The following GUCY1A2 variants were observed in gnomAD, a reference collection of about 807,000 sequenced individuals.
The protein encoded by GUCY1A2 is guanylate cyclase soluble subunit alpha-2.
In GUCY1A2, 27 loss-of-function variants were observed where a neutral mutation model predicts 63.5. The ratio of observed to expected loss-of-function variants is 0.43; its 90% CI spans 0.31 to 0.59. GUCY1A2 has a LOEUF of 0.59. GUCY1A2 is among the 20% of genes least tolerant of loss of function. The pLI is 0.11. For missense variants in GUCY1A2, 768 were observed against 913.3 expected (o/e 0.84, Z 2.05); for synonymous variants, 364 against 343.5 (o/e 1.06, Z -0.66).
chr11:106,913,500 C>G (rs1860324369), intron 4 of GUCY1A2, among the ~76,000 whole-genome samples: 1 of 152,046 alleles, frequency 6.6e-6, no homozygotes, highest in Admixed American at 6.6e-5. Flanking sequence ...AGGAAAGCAC[C>G]AAGCTGGTCA....
At chr11:106,756,707 G>A (rs180992073) in intron 6 of GUCY1A2, among the ~76,000 whole-genome samples, 10 of 152,286 alleles carry the variant, frequency 6.6e-5, no homozygotes, top group Middle Eastern at 3.4e-3. Context: ...GGTTTTTGCC[G>A]AGAGATCTGC....
intron 3 of GUCY1A2, among the ~76,000 whole-genome samples, chr11:106,957,892 G>C (rs12804633): frequency 6.8e-5 from 7 of 103,224 alleles, no homozygotes; most frequent in South Asian, 3.2e-4. Flanking sequence ...TTTTTTTTCA[G>C]AAAAAAAAGG....
At chr11:106,993,456 A>G (rs1298716586) in intron 1 of GUCY1A2, among the ~76,000 whole-genome samples, 1 of 152,192 alleles carries the variant, frequency 6.6e-6, no homozygotes, top group Non-Finnish European at 1.5e-5. Context: ...TGTAGTCATC[A>G]ATCTTGCTAG....
intron 7 of GUCY1A2, among the ~76,000 whole-genome samples, chr11:106,702,256 TA>T (rs1292867629): frequency 6.6e-6 from 1 of 152,240 alleles, no homozygotes; most frequent in African/African-American, 2.4e-5. Context: ...AGAGCTCATC[TA>T]GGACATCAAA....
intron 7 of GUCY1A2, among the ~76,000 whole-genome samples, chr11:106,699,789 CT>C (rs1470583908): frequency 4.1e-5 from 6 of 147,836 alleles, no homozygotes; most frequent in East Asian, 2.0e-4. Context: ...TCTTTTTTTT[CT>C]TTTTTTTTTG....
rs1336729847 is a variant in GUCY1A2, at chr11:106,863,300, C to T, written c.1207-52822G>A. On this transcript the variant is annotated intron_variant, in intron 4 of 7. Coordinates refer to ENST00000526355, the MANE Select transcript of GUCY1A2 (RefSeq NM_000855.3). ...TTAGATTTAAGTCTTTAATCCACCTCGAGTTAATTTTTATATAAGGTGTAA... is the reference window on the plus strand; with the variant it reads ...TTAGATTTAAGTCTTTAATCCACCTTGAGTTAATTTTTATATAAGGTGTAA... Among the ~76,000 whole-genome samples the T allele has an allele frequency of 3.3e-5, 5 of 151,838 alleles. No homozygotes were observed. In the East Asian group the frequency reaches 5.8e-4, roughly 18 times the overall value.
intron 4 of GUCY1A2, among the ~76,000 whole-genome samples, chr11:106,924,346 T>C (rs1860490340): frequency 6.6e-6 from 1 of 152,224 alleles, no homozygotes; most frequent in Non-Finnish European, 1.5e-5. Context: ...TATATTTATA[T>C]CTCATTCCCA....
chr11:106,912,118 C>T (rs146571326), intron 4 of GUCY1A2, among the ~76,000 whole-genome samples: 1,859 of 151,988 alleles, frequency 0.012, 12 homozygotes, highest in Admixed American at 0.019. Context: ...TTGAAAATCA[C>T]CTGAACTCTT....
At chr11:106,903,573 GT>G (rs952055704) in intron 4 of GUCY1A2, among the ~76,000 whole-genome samples, 8 of 152,118 alleles carry the variant, frequency 5.3e-5, no homozygotes, top group African/African-American at 1.9e-4. Context: ...GAAAGCTGGG[GT>G]TTTTTAAAAT....
At chr11:106,806,850 G>A (rs1858693911) in intron 5 of GUCY1A2, among the ~76,000 whole-genome samples, 1 of 152,150 alleles carries the variant, frequency 6.6e-6, no homozygotes, top group South Asian at 2.1e-4. Flanking sequence ...TATTTTAGCA[G>A]AATGGTCATA....
At position 106,939,895 on chromosome 11, in the gene GUCY1A2, T is replaced by C. The variant is rs750513097; in HGVS notation, c.771A>G (p.Ala257=). The change falls in exon 4 of 8, where the codon GCA becomes GCG. Residue 257 remains alanine (A), a synonymous_variant. Coordinates refer to ENST00000526355, the MANE Select transcript of GUCY1A2 (RefSeq NM_000855.3). Reference sequence around the variant, plus strand: ...CATCCAGCCGATAGATCTTCTTTCCTGCAGCCTTAATCATCCCCAGCATTG... The same window carrying C: ...CATCCAGCCGATAGATCTTCTTTCCCGCAGCCTTAATCATCCCCAGCATTG... ...GFAMLGMIKA[A]GKKIYRLDVE... is the part of the protein sequence containing the mutation. 1 of 1,614,188 alleles carries C rather than the reference T, an allele frequency of 6.2e-7. No homozygotes were observed. Among genetic ancestry groups the C allele is most frequent in the Non-Finnish European group, 8.5e-7 (1 of 1,180,018 alleles).
At chr11:106,876,149 A>G (rs1342444742) in intron 4 of GUCY1A2, among the ~76,000 whole-genome samples, 3 of 152,092 alleles carry the variant, frequency 2.0e-5, no homozygotes, top group Non-Finnish European at 4.4e-5. Flanking sequence ...AAAATGTATA[A>G]CAATATCTAA....
intron 4 of GUCY1A2, among the ~76,000 whole-genome samples, chr11:106,845,352 C>A: frequency 6.6e-6 from 1 of 151,586 alleles, no homozygotes; most frequent in East Asian, 1.9e-4. Flanking sequence ...ATTGCTCCCC[C>A]TCTTCTTTCA....
chr11:107,009,338 T>C (rs1861713215), intron 1 of GUCY1A2, among the ~76,000 whole-genome samples: 1 of 152,186 alleles, frequency 6.6e-6, no homozygotes, highest in Non-Finnish European at 1.5e-5. Context: ...CATTGGCATG[T>C]AAACAAATCA....
chr11:106,962,728 C>T lies in GUCY1A2; in HGVS notation c.487+15891G>A, dbSNP rs113345608. Among the ~76,000 whole-genome samples the T allele has an allele frequency of 3.3e-3, 498 of 149,492 alleles. 3 individuals carry two copies. Among genetic ancestry groups the T allele is most frequent in the African/African-American group, 0.012 (478 of 40,948 alleles). On this transcript the variant is annotated intron_variant, in intron 3 of 7. Coordinates refer to ENST00000526355, the MANE Select transcript of GUCY1A2 (RefSeq NM_000855.3). ...GAAATGTGAGAATAATTTACATAAG[C>T]CTCAGTATTTTTATGCAACAATTAA...
At chr11:106,808,429 G>A (rs1248856291) in intron 5 of GUCY1A2, among the ~76,000 whole-genome samples, 1 of 151,904 alleles carries the variant, frequency 6.6e-6, no homozygotes, top group African/African-American at 2.4e-5. Flanking sequence ...AACTCACAAG[G>A]GAATGAATGC....
rs902680696 is a variant in GUCY1A2, at chr11:106,688,366, C to T, written c.1992-610G>A. On this transcript the variant is annotated intron_variant, in intron 7 of 7. Coordinates refer to ENST00000526355, the MANE Select transcript of GUCY1A2 (RefSeq NM_000855.3). ...GCTTGATTCTTCTCTTCCAGTCACA[C>T]ATAAAGACTCTTTTTCAAAACACTA... is the stretch of plus-strand genomic sequence containing the variant. Among the ~76,000 whole-genome samples the T allele has an allele frequency of 3.9e-5, 6 of 152,154 alleles. No homozygotes were observed. In the South Asian group the frequency reaches 6.2e-4, roughly 16 times the overall value.
At chr11:106,723,991 C>T (rs1031730785) in intron 6 of GUCY1A2, among the ~76,000 whole-genome samples, 1 of 152,188 alleles carries the variant, frequency 6.6e-6, no homozygotes, top group Non-Finnish European at 1.5e-5. Flanking sequence ...AATAATTTGA[C>T]AGAAACTTGC....
chr11:106,747,793 C>T (rs12800630), intron 6 of GUCY1A2, among the ~76,000 whole-genome samples: 31,854 of 152,128 alleles, frequency 0.21, 3,990 homozygotes, highest in Non-Finnish European at 0.27. Flanking sequence ...GTCGGGCTTC[C>T]AGGAGGAGCT....
Sources: allele counts gnomAD v4.1 joint callset (sites outside exome capture counted in the v4.1 genomes callset), GRCh38; gene constraint gnomAD v4.1.1; transcripts MANE v1.5; gene names NCBI Gene and HGNC (gene_info 2026-07-23, HGNC 2026-07-21).